ANKMY1: variants seen among roughly 807,000 people sequenced by gnomAD.
The protein encoded by ANKMY1 is ankyrin repeat and MYND domain containing 1, also known as ankyrin repeat and MYND domain-containing protein 1.
ANKMY1 carries 98 observed loss-of-function variants against 102.0 expected under a neutral mutation model. The ratio of observed to expected loss-of-function variants is 0.96; its 90% CI spans 0.82 to 1.14. The LOEUF (loss-of-function observed/expected upper bound fraction) is 1.14, where lower values mean the gene tolerates loss of function less well. ANKMY1 is among the 50% of genes most tolerant of loss of function. The probability of loss-of-function intolerance (pLI) is 0.00; values close to 1 mark genes in which losing one functional copy is unlikely to be tolerated. For missense variants in ANKMY1, 1,330 were observed against 1,347.6 expected (o/e 0.99, Z 0.20); for synonymous variants, 582 against 559.9 (o/e 1.04, Z -0.56).
At chr2:240,504,451 A>T (rs931299984) in intron 13 of ANKMY1, among the ~76,000 whole-genome samples, 2 of 152,256 alleles carry the variant, frequency 1.3e-5, no homozygotes, top group African/African-American at 4.8e-5. Flanking sequence ...AAAGGCAACA[A>T]AAGAAAAAAT....
upstream of ANKMY1, among the ~76,000 whole-genome samples, chr2:240,559,033 C>A (rs911296012): frequency 6.6e-6 from 1 of 152,196 alleles, no homozygotes; most frequent in East Asian, 1.9e-4. Context: ...GCTAAGGAGT[C>A]AGAACCAACA....
intron 4 of ANKMY1, among the ~76,000 whole-genome samples, chr2:240,544,111 A>G (rs560205101): frequency 8.5e-5 from 13 of 152,334 alleles, no homozygotes; most frequent in African/African-American, 2.6e-4. Context: ...ACAAAGTAGA[A>G]AGGAACCAGT....
At chr2:240,501,479 AG>A (rs1372060582) in intron 13 of ANKMY1, among the ~76,000 whole-genome samples, 7 of 152,158 alleles carry the variant, frequency 4.6e-5, no homozygotes, top group African/African-American at 1.7e-4. Flanking sequence ...TGGCAGGCTC[AG>A]GGCAGCCTGT....
rs148825327 is a variant in ANKMY1, at chr2:240,507,570, T to G, written c.2516A>C (p.Lys839Thr). 10 of 1,607,976 alleles carry G rather than the reference T, an allele frequency of 6.2e-6. No homozygotes were observed. Among genetic ancestry groups the G allele is most frequent in the Non-Finnish European group, 8.5e-6 (10 of 1,177,228 alleles). The stretch of plus-strand genomic sequence containing the variant: ...CCTCCTGCCCCTCACCAGGGCCAGC[T>G]TGCTGTCCATGTTCCTCTGGTGCTC... ...TYEHQRNMDS[K>T]LALIDRLISH... is the part of the protein sequence containing the mutation. The change falls in exon 13 of 18, where the codon AAG becomes ACG. Residue 839 changes from lysine to threonine, a missense_variant. By Grantham distance (78) the Lys-to-Thr change is moderately conservative (BLOSUM62 -1). Coordinates refer to ENST00000401804, the MANE Select transcript of ANKMY1 (RefSeq NM_001282771.3).
intron 13 of ANKMY1, among the ~76,000 whole-genome samples, chr2:240,505,379 T>C (rs561247654): frequency 1.3e-4 from 20 of 151,768 alleles, no homozygotes; most frequent in Non-Finnish European, 2.6e-4. Context: ...GGAGGATTGC[T>C]TGAACCTGAG....
chr2:240,559,176 C>G (rs1401945030), upstream of ANKMY1, among the ~76,000 whole-genome samples: 1 of 152,132 alleles, frequency 6.6e-6, no homozygotes, highest in African/African-American at 2.4e-5. Context: ...TGAATTGGTT[C>G]CCAATCCATT....
intron 3 of ANKMY1, 48 bp from the exon 4 acceptor site, chr2:240,553,105 G>C: frequency 2.5e-6 from 4 of 1,599,252 alleles, no homozygotes; most frequent in Non-Finnish European, 3.4e-6. Context: ...TCCAGAACCT[G>C]ACGGGATGCC....
chr2:240,512,528 G>A (rs2080414970), intron 10 of ANKMY1, among the ~76,000 whole-genome samples: 1 of 152,184 alleles, frequency 6.6e-6, no homozygotes, highest in African/African-American at 2.4e-5. Flanking sequence ...CCTGCAAAAG[G>A]TCCGCATGGG....
intron 15 of ANKMY1, among the ~76,000 whole-genome samples, chr2:240,495,915 G>A (rs552582673): frequency 6.6e-6 from 1 of 152,206 alleles, no homozygotes; most frequent in African/African-American, 2.4e-5. Context: ...CCCACTTTTG[G>A]TGTTCCCTGT....
At chr2:240,544,848 G>C (rs1211051580) in intron 4 of ANKMY1, among the ~76,000 whole-genome samples, 1 of 151,804 alleles carries the variant, frequency 6.6e-6, no homozygotes, top group Non-Finnish European at 1.5e-5. Context: ...CACCTGGCTC[G>C]GAGGGTCCTA....
rs752256796 is a variant in ANKMY1, at chr2:240,520,517, G to T, written c.1849C>A (p.Arg617=). The change falls in exon 9 of 18, where the codon CGG becomes AGG. Residue 617 remains arginine, a synonymous_variant. Coordinates refer to ENST00000401804, the MANE Select transcript of ANKMY1 (RefSeq NM_001282771.3). The surrounding 1 kb of genome is among the most constrained non-coding windows in gnomAD (Gnocchi z 4.8). ...CGGCGCAGCAGCAGCTTGATGGTCCGCCAGCGCTTCCTCCGCCTGAAAAAG... is the reference window on the plus strand; with the variant it reads ...CGGCGCAGCAGCAGCTTGATGGTCCTCCAGCGCTTCCTCCGCCTGAAAAAG... The part of the protein sequence containing the change: ...LSMIERRKRW[R]TIKLLLRRGA... 1 of 1,612,074 alleles carries T rather than the reference G, an allele frequency of 6.2e-7. No homozygotes were observed. Among genetic ancestry groups the T allele is most frequent in the East Asian group, 2.2e-5 (1 of 44,848 alleles).
At chr2:240,501,562 A>G (rs2078186587) in intron 13 of ANKMY1, among the ~76,000 whole-genome samples, 1 of 152,206 alleles carries the variant, frequency 6.6e-6, no homozygotes, top group Non-Finnish European at 1.5e-5. Flanking sequence ...TTGCTAGCCA[A>G]GTGCAAGCAC....
chr2:240,504,353 G>A (rs1042815398), intron 13 of ANKMY1, among the ~76,000 whole-genome samples: 7 of 152,302 alleles, frequency 4.6e-5, no homozygotes, highest in Middle Eastern at 3.4e-3. Flanking sequence ...AAAAGTATTC[G>A]TGAAAGGTCC....
intron 13 of ANKMY1, among the ~76,000 whole-genome samples, chr2:240,507,006 CACT>C (rs2079189823): frequency 6.6e-6 from 1 of 152,070 alleles, no homozygotes; most frequent in Non-Finnish European, 1.5e-5. Flanking sequence ...CTGCGTGGAC[CACT>C]GAGAAAGCCA....
At position 240,552,850 on chromosome 2, in the gene ANKMY1, T is replaced by G. The variant is rs4676427; in HGVS notation, c.480+64A>C. 11,259 of 1,609,520 alleles carry G rather than the reference T, an allele frequency of 7.0e-3. 128 individuals are homozygous for G. Among genetic ancestry groups the G allele is most frequent in the East Asian group, 0.036 (1,600 of 44,856 alleles). On this transcript the variant is annotated intron_variant, in intron 4 of 17. Transcript: ENST00000401804. ...CTTCCCCAGGACCGAAATATCTTTT[T>G]GTCCAGTGGCTTAGACACACACAGC...
upstream of ANKMY1, chr2:240,558,133 C>CCCGCGGGCT: frequency 3.6e-6 from 1 of 277,846 alleles, no homozygotes; most frequent in Non-Finnish European, 5.5e-6. Context: ...GGGCCGACAC[C>CCCGCGGGCT]CCGCGGGCCT....
the ANKMY1 span, among the ~76,000 whole-genome samples, chr2:240,468,990 G>C: frequency 1.3e-5 from 2 of 152,228 alleles, no homozygotes; most frequent in South Asian, 4.1e-4. Context: ...CTCCTCCCCT[G>C]GGAAATGAGG....
chr2:240,557,951 G>A lies in ANKMY1; in HGVS notation c.-88C>T. ...GGGACTGCAGCCACCGCGGACGCCC[G>A]CGCTCCCGTCCCGACTGCTTGCCAG... On this transcript the variant is annotated 5_prime_UTR_variant, in exon 1 of 18. Transcript: ENST00000401804. 5 of 985,652 alleles carry A rather than the reference G, an allele frequency of 5.1e-6. No homozygotes were observed. The South Asian group carries it at 1.4e-4, about 28-fold the overall frequency. The allele number at this position is 985,652 out of a possible 1,614,324, so 61.1% of individuals were successfully genotyped here.
In ANKMY1 at chr2:240,506,778, G is replaced by A. The variant is rs912544419; in HGVS notation, c.2526+782C>T. Among the ~76,000 whole-genome samples the A allele has an allele frequency of 3.3e-5, 5 of 152,128 alleles. No homozygotes were observed. Among genetic ancestry groups the A allele is most frequent in the Admixed American group, 6.5e-5 (1 of 15,280 alleles). ...GGACACAGGAAGGGCTGGCATGGGCGGAGGGCAGCAGGCAGCAGGGCACAG... is the reference window on the plus strand; with the variant it reads ...GGACACAGGAAGGGCTGGCATGGGCAGAGGGCAGCAGGCAGCAGGGCACAG... On this transcript the variant is annotated intron_variant, in intron 13 of 17. Coordinates refer to ENST00000401804, the MANE Select transcript of ANKMY1 (RefSeq NM_001282771.3). The surrounding 1 kb of genome is among the most constrained non-coding windows in gnomAD (Gnocchi z 4.9).
Sources: allele counts gnomAD v4.1 joint callset (sites outside exome capture counted in the v4.1 genomes callset), GRCh38; gene constraint gnomAD v4.1.1; non-coding constraint Gnocchi (gnomAD v3.1); transcripts MANE v1.5; gene names NCBI Gene and HGNC (gene_info 2026-07-23, HGNC 2026-07-21).